The following SLC28A3 variants were observed in gnomAD, a reference collection of about 807,000 sequenced individuals.
SLC28A3 encodes the protein concentrative Na(+)-nucleoside cotransporter 3.
A neutral mutation model predicts 84.2 loss-of-function variants in SLC28A3; 68 were observed. That is an observed-to-expected ratio of 0.81 (90% CI 0.66 to 0.99). SLC28A3 has a LOEUF of 0.99. Ranked by LOEUF, SLC28A3 falls within the 50% of genes least tolerant of loss-of-function variation. The probability of loss-of-function intolerance (pLI) is 0.00; values close to 1 mark genes in which losing one functional copy is unlikely to be tolerated. For synonymous variants in SLC28A3, 267 were observed against 303.6 expected (o/e 0.88, Z 1.25); for missense variants, 712 against 841.5 (o/e 0.85, Z 1.90).
chr9:84,283,415 C>T (rs897494868), intron 14 of SLC28A3, among the ~76,000 whole-genome samples: 17 of 152,194 alleles, frequency 1.1e-4, no homozygotes, highest in African/African-American at 2.2e-4. Flanking sequence ...AGATGAATTA[C>T]GGTGTGCTAT....
chr9:84,361,935 T>A, the SLC28A3 span, among the ~76,000 whole-genome samples: 2 of 151,848 alleles, frequency 1.3e-5, no homozygotes, highest in African/African-American at 4.8e-5. Context: ...AATAAATAAA[T>A]AAAAATTAAT....
At chr9:84,290,388 A>G in intron 10 of SLC28A3, 109 bp from the exon 11 acceptor site, 2 of 1,367,584 alleles carry the variant, frequency 1.5e-6, no homozygotes, top group Middle Eastern at 2.2e-4. Flanking sequence ...AGTTTCTAAG[A>G]GTGAACCTCA....
chr9:84,309,254 G>A (rs752826833), intron 3 of SLC28A3, among the ~76,000 whole-genome samples: 2 of 152,000 alleles, frequency 1.3e-5, no homozygotes, highest in Non-Finnish European at 2.9e-5. Flanking sequence ...CTGGTGCCAT[G>A]GCTCATGCTT....
chr9:84,322,064 G>C (rs556889497), intron 1 of SLC28A3, among the ~76,000 whole-genome samples: 44 of 152,238 alleles, frequency 2.9e-4, no homozygotes, highest in African/African-American at 6.3e-4. Context: ...ACAACAACAA[G>C]AAGAAACATT....
At chr9:84,282,006 A>G (rs1824771330) in intron 14 of SLC28A3, among the ~76,000 whole-genome samples, 1 of 152,058 alleles carries the variant, frequency 6.6e-6, no homozygotes, top group African/African-American at 2.4e-5. Context: ...GCCAGGCATG[A>G]TGGTGTGTGC....
intron 13 of SLC28A3, 46 bp downstream of exon 13, chr9:84,285,897 G>C (rs532341943): frequency 6.3e-7 from 1 of 1,575,408 alleles, no homozygotes; most frequent in African/African-American, 1.4e-5. Context: ...TTTAAACAAA[G>C]ATAGGCAGAA....
chr9:84,302,106 A>C, intron 5 of SLC28A3, 94 bp downstream of exon 5: 2 of 1,227,944 alleles, frequency 1.6e-6, no homozygotes, highest in East Asian at 2.3e-5. Flanking sequence ...CATATCCCAT[A>C]AATGAGGAAG....
At chr9:84,307,323 C>T (rs1347928429) in intron 3 of SLC28A3, among the ~76,000 whole-genome samples, 5 of 149,336 alleles carry the variant, frequency 3.3e-5, no homozygotes, top group African/African-American at 7.4e-5. Context: ...CCCAGCTACT[C>T]GGGAGGCTAA....
chr9:84,344,185 G>GTTTT (rs762125676), upstream of SLC28A3, among the ~76,000 whole-genome samples: 991 of 117,978 alleles, frequency 8.4e-3, 40 homozygotes, highest in African/African-American at 0.033. Context: ...CATCATATGG[G>GTTTT]TTTTTTTTTT....
Position 84,285,333 on chromosome 9 carries a change from ATATT to A in SLC28A3, c.1647+8_1647+11del. On this transcript the variant is annotated splice_region_variant and intron_variant, in intron 14 of 17. Coordinates refer to ENST00000376238, the MANE Select transcript of SLC28A3 (RefSeq NM_001199633.2). ...TGAAGAAATGTACTGAGAAATTAAA[ATATT>A]TACTCACTGATATATATTGCTGCAC... 6.2e-7 allele frequency: 1 copy of A among 1,611,230 alleles called. No individual in the cohort carries two copies. Among genetic ancestry groups the A allele is most frequent in the Non-Finnish European group, 8.5e-7 (1 of 1,177,848 alleles).
intron 6 of SLC28A3, among the ~76,000 whole-genome samples, chr9:84,298,647 G>C (rs79421100): frequency 1.3e-5 from 2 of 152,236 alleles, no homozygotes; most frequent in South Asian, 4.1e-4. Flanking sequence ...GCAGAATCTG[G>C]CCATCCTAGT....
rs749112993 is a variant in SLC28A3, at chr9:84,297,891, T to C, written c.783+15A>G. On this transcript the variant is annotated intron_variant, in intron 7 of 17. Coordinates refer to ENST00000376238, the MANE Select transcript of SLC28A3 (RefSeq NM_001199633.2). ...AGCACCATAAAAGCAAAGTGTTCTT[T>C]TGAACCAAACTTACCTGAACTTGTC... The C allele has an allele frequency of 7.6e-6, 12 of 1,586,670 alleles. No homozygotes were observed. Among genetic ancestry groups the C allele is most frequent in the Middle Eastern group, 3.3e-4 (2 of 5,986 alleles).
rs117518856 is a variant in SLC28A3 at position 84,300,953 on chromosome 9, C to G, written c.525-1228G>C. On this transcript the variant is annotated intron_variant, in intron 5 of 17. Transcript: ENST00000376238. ...TCACAGTTCTCATTACTGTAGGGGA[C>G]AGCATATTCTGATGTTAAAAAATAT... is the stretch of plus-strand genomic sequence containing the variant. Among the ~76,000 whole-genome samples, 1,193 of 152,194 alleles carry G rather than the reference C, an allele frequency of 7.8e-3. 9 individuals carry two copies. Among genetic ancestry groups the G allele is most frequent in the Non-Finnish European group, 0.012 (839 of 67,998 alleles).
At position 84,287,174 on chromosome 9, in the gene SLC28A3, AAAC is replaced by A. The variant is rs531562247; in HGVS notation, c.1280+871_1280+873del. Among the ~76,000 whole-genome samples the A allele has an allele frequency of 4.5e-3, 682 of 152,090 alleles. 3 individuals carry two copies. The highest frequency in any genetic ancestry group is 0.016 in the African/African-American group (644 of 41,454). ...ACCCTGTCAAAACAAACAAACAAAC[AAAC>A]AAAAAAACAACATTGTGCAAGTCTG... On this transcript the variant is annotated intron_variant, in intron 12 of 17. Coordinates refer to ENST00000376238, the MANE Select transcript of SLC28A3 (RefSeq NM_001199633.2).
the SLC28A3 span, among the ~76,000 whole-genome samples, chr9:84,350,168 C>T: frequency 1.3e-5 from 2 of 152,192 alleles, no homozygotes; most frequent in African/African-American, 4.8e-5. Context: ...AGGCCCGGCA[C>T]GGTGGCTCAT....
intron 1 of SLC28A3, among the ~76,000 whole-genome samples, chr9:84,327,054 ACT>A (rs10598513): frequency 0.092 from 13,950 of 151,996 alleles, 1,979 homozygotes; most frequent in African/African-American, 0.3. Flanking sequence ...CCTCAAAAAA[ACT>A]CTCTTAAAAT....
At chr9:84,317,002 AAAC>A (rs56145118) in intron 1 of SLC28A3, among the ~76,000 whole-genome samples, 53 of 150,268 alleles carry the variant, frequency 3.5e-4, no homozygotes, top group African/African-American at 7.4e-4. Context: ...CTCCGTCTCA[AAAC>A]AACAACAACA....
At chr9:84,305,818 C>T (rs1825771915) in intron 3 of SLC28A3, among the ~76,000 whole-genome samples, 1 of 152,154 alleles carries the variant, frequency 6.6e-6, no homozygotes, top group Middle Eastern at 3.2e-3. Flanking sequence ...CATCACCATC[C>T]CCGTTAGTCC....
intron 1 of SLC28A3, among the ~76,000 whole-genome samples, chr9:84,335,360 G>A (rs554079202): frequency 9.9e-4 from 150 of 152,274 alleles, no homozygotes; most frequent in Non-Finnish European, 1.8e-3. Flanking sequence ...GGGCAACATA[G>A]CAAGACCCTG....
Sources: gnomAD v4.1 joint callset for allele counts (sites outside exome capture counted in the v4.1 genomes callset) on GRCh38, gnomAD v4.1.1 for gene constraint, MANE v1.5 for transcripts, NCBI Gene and HGNC (gene_info 2026-07-23, HGNC 2026-07-21) for gene names.